Variants in PBX3 observed in about 807,000 individuals in gnomAD.
The protein encoded by PBX3 is PBX homeobox 3.
A neutral mutation model predicts 48.5 loss-of-function variants in PBX3; 14 were observed. That is an observed-to-expected ratio of 0.29 (90% CI 0.19 to 0.45). The LOEUF is 0.45. Among genes scored for constraint, PBX3 ranks in the 20% least tolerant of loss-of-function variants. PBX3 has a pLI of 1.00. For missense variants in PBX3, 386 were observed against 546.7 expected (o/e 0.71, Z 2.93); for synonymous variants, 210 against 200.3 (o/e 1.05, Z -0.41).
intron 2 of PBX3, among the ~76,000 whole-genome samples, chr9:125,793,570 C>T (rs1162536591): frequency 6.6e-6 from 1 of 151,378 alleles, no homozygotes; most frequent in Non-Finnish European, 1.5e-5. Context: ...GCTGGGATTA[C>T]AGGTGCTGGC....
At chr9:125,804,535 TCTC>T (rs1314896024) in intron 2 of PBX3, among the ~76,000 whole-genome samples, 1 of 152,150 alleles carries the variant, frequency 6.6e-6, no homozygotes, top group Non-Finnish European at 1.5e-5. Flanking sequence ...CATGTTAAAA[TCTC>T]CTTCTGTCCC....
intron 2 of PBX3, among the ~76,000 whole-genome samples, chr9:125,813,461 G>A: frequency 6.6e-6 from 1 of 152,134 alleles, no homozygotes; most frequent in East Asian, 1.9e-4. Context: ...AACAGTAAAT[G>A]CAAACCCCAA....
At chr9:125,960,428 A>G (rs1183517723) in intron 5 of PBX3, among the ~76,000 whole-genome samples, 2 of 152,228 alleles carry the variant, frequency 1.3e-5, no homozygotes, top group Non-Finnish European at 2.9e-5. Flanking sequence ...GATATCTTTT[A>G]TGAGCAGCGC....
chr9:125,881,404 A>C (rs1840378130), intron 2 of PBX3, among the ~76,000 whole-genome samples: 1 of 152,156 alleles, frequency 6.6e-6, no homozygotes, highest in Non-Finnish European at 1.5e-5. Context: ...CTAGGATAGG[A>C]GTATAGGAAT....
chr9:125,857,356 A>G (rs1221733742), intron 2 of PBX3, among the ~76,000 whole-genome samples: 2 of 152,166 alleles, frequency 1.3e-5, no homozygotes, highest in Non-Finnish European at 1.5e-5. Flanking sequence ...TCAATACACA[A>G]GAAGTTTTGG....
Position 125,863,682 on chromosome 9 carries a change from A to G in PBX3, c.275-52004A>G, listed in dbSNP as rs372243710. Among the ~76,000 whole-genome samples the G allele has an allele frequency of 1.4e-4, 22 of 152,336 alleles. 2 individuals carry two copies. The East Asian group carries it at 4.0e-3, about 28-fold the overall frequency. Reference sequence around the variant, plus strand: ...AATACATTGTGGGAAGATTAGATGAAGTGATGAAGAAACACCTAAGAAACC... The same window carrying G: ...AATACATTGTGGGAAGATTAGATGAGGTGATGAAGAAACACCTAAGAAACC... On this transcript the variant is annotated intron_variant, in intron 2 of 8. Coordinates refer to ENST00000373489, the MANE Select transcript of PBX3 (RefSeq NM_006195.6).
chr9:125,870,779 C>T (rs1170465567), intron 2 of PBX3, among the ~76,000 whole-genome samples: 1 of 152,028 alleles, frequency 6.6e-6, no homozygotes, highest in Non-Finnish European at 1.5e-5. Flanking sequence ...ATTGTCTGGA[C>T]AAGAATAAAA....
intron 6 of PBX3, among the ~76,000 whole-genome samples, chr9:125,961,843 T>C (rs1488064795): frequency 1.3e-5 from 2 of 152,204 alleles, no homozygotes; most frequent in African/African-American, 2.4e-5. Flanking sequence ...TTCTTTTTAA[T>C]TTATTTTGAT....
intron 2 of PBX3, among the ~76,000 whole-genome samples, chr9:125,824,353 A>G (rs560149552): frequency 2.0e-5 from 3 of 152,322 alleles, no homozygotes; most frequent in Non-Finnish European, 2.9e-5. Flanking sequence ...GGAATGAAGA[A>G]TCTTAACCAG....
intron 5 of PBX3, among the ~76,000 whole-genome samples, chr9:125,944,614 A>C (rs1267255664): frequency 6.6e-6 from 1 of 152,246 alleles, no homozygotes; most frequent in Non-Finnish European, 1.5e-5. Flanking sequence ...GGATCAGGAA[A>C]GACCTTCTAG....
intron 2 of PBX3, among the ~76,000 whole-genome samples, chr9:125,904,540 A>C (rs1243431452): frequency 6.6e-6 from 1 of 151,936 alleles, no homozygotes; most frequent in Non-Finnish European, 1.5e-5. Context: ...ATGAAAGGTT[A>C]GATTCACAGT....
chr9:125,875,964 C>T (rs1840237731), intron 2 of PBX3, among the ~76,000 whole-genome samples: 1 of 152,180 alleles, frequency 6.6e-6, no homozygotes, highest in South Asian at 2.1e-4. Flanking sequence ...GGCATAGCTT[C>T]TCACACTCCC....
intron 2 of PBX3, among the ~76,000 whole-genome samples, chr9:125,807,504 T>C (rs139508059): frequency 3.7e-4 from 56 of 152,278 alleles, no homozygotes; most frequent in African/African-American, 1.1e-3. Flanking sequence ...GATTGTGATT[T>C]GATTCTCAAC....
intron 2 of PBX3, among the ~76,000 whole-genome samples, chr9:125,763,726 G>A (rs1043063866): frequency 2.0e-5 from 3 of 152,214 alleles, no homozygotes; most frequent in Non-Finnish European, 4.4e-5. Flanking sequence ...AATGATTAAT[G>A]GCAGTGAGCA....
At chr9:125,765,818 C>T (rs1836789049) in intron 2 of PBX3, among the ~76,000 whole-genome samples, 1 of 151,852 alleles carries the variant, frequency 6.6e-6, no homozygotes, top group Admixed American at 6.6e-5. Flanking sequence ...AGGTAACAAG[C>T]TATGGGAAAA....
intron 2 of PBX3, among the ~76,000 whole-genome samples, chr9:125,750,177 AG>A (rs1345413715): frequency 2.0e-5 from 3 of 152,212 alleles, no homozygotes; most frequent in Non-Finnish European, 4.4e-5. Flanking sequence ...GCTCCACTTC[AG>A]TTTCTGCTGA....
chr9:125,898,449 G>A (rs1221189720), intron 2 of PBX3, among the ~76,000 whole-genome samples: 2 of 144,872 alleles, frequency 1.4e-5, no homozygotes, highest in Non-Finnish European at 1.5e-5. Context: ...CCCATCTTCT[G>A]AAAAAAAAAA....
At chr9:125,864,812 C>G (rs534551495) in intron 2 of PBX3, among the ~76,000 whole-genome samples, 603 of 152,238 alleles carry the variant, frequency 4.0e-3, no homozygotes, top group Middle Eastern at 6.8e-3. Flanking sequence ...TCCAACAGGC[C>G]GTGAACCAGC....
intron 2 of PBX3, among the ~76,000 whole-genome samples, chr9:125,826,459 T>G (rs1410658568): frequency 1.3e-5 from 2 of 152,152 alleles, no homozygotes; most frequent in Non-Finnish European, 2.9e-5. Context: ...GGGTCATTGG[T>G]GATTATGGGA....
Sources: gnomAD v4.1 joint callset for allele counts (sites outside exome capture counted in the v4.1 genomes callset) on GRCh38, gnomAD v4.1.1 for gene constraint, MANE v1.5 for transcripts, NCBI Gene and HGNC (gene_info 2026-07-23, HGNC 2026-07-21) for gene names.